Variants in CARD6 observed in about 807,000 individuals in gnomAD.
The protein encoded by CARD6 is caspase recruitment domain-containing protein 6.
Under a neutral mutation model 23.6 loss-of-function variants are expected in CARD6, and 27 were observed. The ratio of observed to expected loss-of-function variants is 1.14; its 90% confidence interval spans 0.84 to 1.58. CARD6 has a LOEUF of 1.58. Among genes scored for constraint, CARD6 ranks in the 40% most tolerant of loss-of-function variants. The pLI is 0.00. For synonymous variants in CARD6, 397 were observed against 431.8 expected (o/e 0.92, Z 1.00); for missense variants, 1,214 against 1,209.9 (o/e 1.00, Z -0.05).
rs1353968574 is a variant in CARD6 at position 40,855,018 on chromosome 5, A to G, written c.*572A>G. ...AATCTTGGGTATTATTAGATAATGT[A>G]TAACTTGCACCCAGGGAATGGGGGT... On this transcript the variant is annotated 3_prime_UTR_variant, in exon 3 of 3. Transcript: ENST00000254691. 1 of 153,696 alleles carries G rather than the reference A, an allele frequency of 6.5e-6. No homozygotes were observed. The highest frequency in any genetic ancestry group is 6.5e-5 in the Admixed American group (1 of 15,490). 9.5% of individuals were successfully genotyped at this position (153,696 alleles called of 1,614,324 possible). A position where few individuals can be genotyped will look rare whatever the true frequency, so the allele number is the denominator to read the frequency against.
intron 2 of CARD6, among the ~76,000 whole-genome samples, chr5:40,848,941 A>C (rs1203490957): frequency 6.6e-6 from 1 of 151,936 alleles, no homozygotes; most frequent in Non-Finnish European, 1.5e-5. Flanking sequence ...TGTTGCTTTG[A>C]TCTGCTCCAT....
Position 40,841,647 on chromosome 5 carries a change from A to G in CARD6, c.265A>G (p.Ile89Val), listed in dbSNP as rs1457439304. ...LFSTFPQSAA[I>V]CGLRHEVLKH... ...TAGTACTTTTCCACAGTCAGCTGCCATTTGCGGCTTAAGGCATGGTAAGTT... is the reference window on the plus strand; with the variant it reads ...TAGTACTTTTCCACAGTCAGCTGCCGTTTGCGGCTTAAGGCATGGTAAGTT... The change falls in exon 1 of 3, where the codon ATT becomes GTT. Residue 89 changes from isoleucine (I) to valine (V), a missense_variant. By Grantham distance (29) the Ile-to-Val change is conservative. Transcript: ENST00000254691. The G allele has an allele frequency of 1.2e-6, 2 of 1,613,712 alleles. No homozygotes were observed. The highest frequency in any genetic ancestry group is 4.5e-5 in the East Asian group (2 of 44,870).
rs1358600560 is a variant in CARD6 at position 40,854,527 on chromosome 5, A to G, written c.*81A>G. ...TATAGTAAGCAGAAGAGTTGCCATG[A>G]AAGTAAAAGACTACTGTCATTAGCA... On this transcript the variant is annotated 3_prime_UTR_variant, in exon 3 of 3. Transcript: ENST00000254691. 6 of 1,095,618 alleles carry G rather than the reference A, an allele frequency of 5.5e-6. No homozygotes were observed. The highest frequency in any genetic ancestry group is 2.9e-5 in the South Asian group (2 of 68,098). 67.9% of individuals were successfully genotyped at this position (1,095,618 alleles called of 1,614,324 possible).
intron 2 of CARD6, among the ~76,000 whole-genome samples, chr5:40,846,956 A>G (rs1388887609): frequency 6.6e-6 from 1 of 152,186 alleles, no homozygotes; most frequent in Non-Finnish European, 1.5e-5. Context: ...TTGGGGGAAA[A>G]CAAGTTCTAC....
chr5:40,853,508 C>A lies in CARD6; in HGVS notation c.2176C>A (p.Pro726Thr), dbSNP rs747687670. 7 of 1,614,158 alleles carry A rather than the reference C, an allele frequency of 4.3e-6. No individual in the cohort carries two copies. The African/African-American group carries it at 6.7e-5, about 15-fold the overall frequency. ...TCTCTATGGTACCCCAGTATTCAGG[C>A]CTGTTCTAGAGAACTCCTGGCTCTT... is the stretch of plus-strand genomic sequence containing the variant. Reference protein sequence around the residue: ...QNLYGTPVFRPVLENSWLFPT... With the variant: ...QNLYGTPVFRTVLENSWLFPT... Residue 726 changes from proline to threonine, a missense_variant, in exon 3 of 3, where the codon CCT (proline) becomes ACT (threonine). Physicochemically the swap from Pro to Thr is conservative, Grantham distance 38 (BLOSUM62 -1). Coordinates refer to ENST00000254691, the MANE Select transcript of CARD6 (RefSeq NM_032587.4).
rs765559234 is a variant in CARD6 at position 40,852,519 on chromosome 5, C to T, written c.1187C>T (p.Ser396Leu). 12 of 1,614,204 alleles carry T rather than the reference C, an allele frequency of 7.4e-6. No individual in the cohort carries two copies. Among genetic ancestry groups the T allele is most frequent in the Middle Eastern group, 1.6e-4 (1 of 6,062 alleles). Residue 396 changes from serine to leucine, a missense_variant, in exon 3 of 3, where the codon TCA (serine) becomes TTA (leucine). By Grantham distance (145) the Ser-to-Leu change is moderately radical. Transcript: ENST00000254691. Reference protein sequence around the residue: ...SDSSLQRQVMSNMYQCQFALP... With the variant: ...SDSSLQRQVMLNMYQCQFALP... ...AGCTCTTTGCAACGCCAAGTCATGT[C>T]AAACATGTATCAGTGCCAGTTTGCT...
At chr5:40,848,851 T>C (rs1055226953) in intron 2 of CARD6, among the ~76,000 whole-genome samples, 3 of 152,152 alleles carry the variant, frequency 2.0e-5, no homozygotes, top group Non-Finnish European at 4.4e-5. Context: ...TGAGATTAGT[T>C]TCCTGATATT....
Position 40,852,875 on chromosome 5 carries a change from G to T in CARD6, c.1543G>T (p.Asp515Tyr), listed in dbSNP as rs76751505. 1.1e-5 allele frequency: 17 copies of T among 1,613,962 alleles called. No individual in the cohort carries two copies. Among genetic ancestry groups the T allele is most frequent in the Non-Finnish European group, 1.4e-5 (17 of 1,179,918 alleles). Reference sequence around the variant, plus strand: ...GATAACATGGTGTTTTCCTGATAGCGATGATAGAAAGGAAAACCCCTTTTT... The same window carrying T: ...GATAACATGGTGTTTTCCTGATAGCTATGATAGAAAGGAAAACCCCTTTTT... Reference protein sequence around the residue: ...VEITWCFPDSDDRKENPFFQK... With the variant: ...VEITWCFPDSYDRKENPFFQK... Residue 515 changes from aspartate (D) to tyrosine (Y), a missense_variant, in exon 3 of 3, where the codon GAT (aspartate) becomes TAT (tyrosine). By Grantham distance (160) the Asp-to-Tyr change is radical (BLOSUM62 -3). Transcript: ENST00000254691.
rs755263880 is a variant in CARD6 at position 40,854,330 on chromosome 5, C to T, written c.2998C>T (p.Pro1000Ser). The T allele has an allele frequency of 3.7e-6, 6 of 1,614,138 alleles. No individual in the cohort carries two copies. The Admixed American group carries it at 6.7e-5, about 18-fold the overall frequency. ...TQPKPSQPWPPQSKPSQPRPP... is the reference protein window; with the variant it reads ...TQPKPSQPWPSQSKPSQPRPP... ...GCCTAAGCCAAGCCAGCCCTGGCCT[C>T]CCCAGTCTAAGCCTTCTCAGCCCAG... Residue 1000 changes from proline to serine, a missense_variant, in exon 3 of 3, where the codon CCC becomes TCC. Transcript: ENST00000254691.
In CARD6 at chr5:40,853,500, T is replaced by C; in HGVS notation, c.2168T>C (p.Val723Ala). ...QNLQNLYGTPVFRPVLENSWL... is the reference protein window; with the variant it reads ...QNLQNLYGTPAFRPVLENSWL... ...CTTCAGAATCTCTATGGTACCCCAGTATTCAGGCCTGTTCTAGAGAACTCC... is the reference window on the plus strand; with the variant it reads ...CTTCAGAATCTCTATGGTACCCCAGCATTCAGGCCTGTTCTAGAGAACTCC... Residue 723 changes from valine to alanine, a missense_variant, in exon 3 of 3, where the codon GTA (valine) becomes GCA (alanine). Transcript: ENST00000254691. The C allele has an allele frequency of 1.2e-6, 2 of 1,614,208 alleles. No homozygotes were observed. Among genetic ancestry groups the C allele is most frequent in the Non-Finnish European group, 1.7e-6 (2 of 1,180,030 alleles).
rs771817488 is a variant in CARD6, at chr5:40,854,423, C to T, written c.3091C>T (p.Gln1031Ter). ...TAAGGCACACCACTCAAAAGCAGGG[C>T]AGAAGAGGGGAGGGAAGCATTAAAG... is the stretch of plus-strand genomic sequence containing the variant. ...QAKAHHSKAG[Q>*]KRGGKH Residue 1031 changes from glutamine to a stop codon, truncating the protein, a stop_gained, in exon 3 of 3, where the codon CAG becomes TAG. Transcript: ENST00000254691. LOFTEE classifies it high-confidence loss of function. The T allele has an allele frequency of 6.2e-7, 1 of 1,613,774 alleles. No homozygotes were observed. The highest frequency in any genetic ancestry group is 2.2e-5 in the East Asian group (1 of 44,876).
chr5:40,850,433 A>AAAG (rs1746044461), intron 2 of CARD6, among the ~76,000 whole-genome samples: 2 of 145,248 alleles, frequency 1.4e-5, no homozygotes, highest in South Asian at 4.4e-4. Flanking sequence ...AAAAAAAAAA[A>AAAG]GCCAGGCACA....
intron 2 of CARD6, among the ~76,000 whole-genome samples, chr5:40,848,857 ATAT>A (rs1250379842): frequency 6.6e-6 from 1 of 151,938 alleles, no homozygotes; most frequent in Admixed American, 6.6e-5. Flanking sequence ...TAGTTTCCTG[ATAT>A]TATTGCTTAC....
rs1403290424 is a variant in CARD6, at chr5:40,852,762, C to T, written c.1430C>T (p.Pro477Leu). 28 of 1,614,056 alleles carry T rather than the reference C, an allele frequency of 1.7e-5. No homozygotes were observed. The highest frequency in any genetic ancestry group is 2.2e-5 in the Non-Finnish European group (26 of 1,180,032). ...AGAATCCTCAACACACTTCTCAGCC[C>T]TGCCCAGTTGAAATTACACAAAATC... ...KSRILNTLLSPAQLKLHKIFL... is the reference protein window; with the variant it reads ...KSRILNTLLSLAQLKLHKIFL... The change falls in exon 3 of 3, where the codon CCT (proline) becomes CTT (leucine). Residue 477 changes from proline to leucine, a missense_variant. By Grantham distance (98) the Pro-to-Leu change is moderately conservative (BLOSUM62 -3). Transcript: ENST00000254691.
chr5:40,843,034 G>C lies in CARD6; in HGVS notation c.284-118G>C, dbSNP rs1338820698. 16 of 705,200 alleles carry C rather than the reference G, an allele frequency of 2.3e-5. No individual in the cohort carries two copies. In the South Asian group the frequency reaches 2.3e-4, roughly 10 times the overall value. 43.7% of individuals were successfully genotyped at this position (705,200 alleles called of 1,614,324 possible). A position where few individuals can be genotyped will look rare whatever the true frequency, so the allele number is the denominator to read the frequency against. On this transcript the variant is annotated intron_variant, in intron 1 of 2. Transcript: ENST00000254691. ...GCCTCGGCAACAAGAGTGAAACTCT[G>C]TCTCAAAAAATAAATAAATAAATAA...
At chr5:40,847,501 A>G (rs1745986088) in intron 2 of CARD6, among the ~76,000 whole-genome samples, 1 of 151,826 alleles carries the variant, frequency 6.6e-6, no homozygotes. Context: ...AAATTTATTT[A>G]TTTTTTCTCT....
intron 2 of CARD6, among the ~76,000 whole-genome samples, chr5:40,845,492 C>T (rs1397008573): frequency 6.6e-6 from 1 of 152,158 alleles, no homozygotes; most frequent in Non-Finnish European, 1.5e-5. Context: ...ACCCATGCCT[C>T]TTGCCCCACC....
chr5:40,846,169 C>T (rs1269338986), intron 2 of CARD6, among the ~76,000 whole-genome samples: 2 of 151,766 alleles, frequency 1.3e-5, no homozygotes, highest in Non-Finnish European at 2.9e-5. Context: ...CCCACTACCA[C>T]GCCTGGCTAA....
Position 40,853,288 on chromosome 5 carries a change from G to C in CARD6, c.1956G>C (p.Glu652Asp), listed in dbSNP as rs201086001. Residue 652 changes from glutamate (E) to aspartate (D), a missense_variant, in exon 3 of 3, where the codon GAG (glutamate) becomes GAC (aspartate). Glu to Asp is a conservative substitution (Grantham distance 45, BLOSUM62 2). Transcript: ENST00000254691. ...SVEDMAALAR[E>D]LGIQVDEDFE... The stretch of plus-strand genomic sequence containing the variant: ...AGGATATGGCCGCCCTGGCCAGGGA[G>C]CTGGGGATTCAGGTAGATGAAGACT... The C allele has an allele frequency of 1.0e-3, 1,646 of 1,614,188 alleles. 29 individuals carry two copies. The South Asian group carries it at 0.017, about 17-fold the overall frequency.
Sources: gnomAD v4.1 joint callset for allele counts (sites outside exome capture counted in the v4.1 genomes callset) on GRCh38, gnomAD v4.1.1 for gene constraint, MANE v1.5 for transcripts, NCBI Gene and HGNC (gene_info 2026-07-23, HGNC 2026-07-21) for gene names.